The following MTPAP variants were observed in gnomAD, a reference collection of about 807,000 sequenced individuals.
MTPAP encodes the protein poly(A) RNA polymerase, mitochondrial.
MTPAP carries 23 observed loss-of-function variants against 48.7 expected under a neutral mutation model. The observed-to-expected ratio is 0.47, with a 90% CI of 0.34 to 0.67. The LOEUF (loss-of-function observed/expected upper bound fraction) is 0.67. MTPAP is among the 30% of genes least tolerant of loss of function. The pLI is 0.01. For missense variants in MTPAP, 614 were observed against 694.3 expected, an observed-to-expected ratio of 0.88 and a Z score of 1.30; for synonymous variants, 257 against 254.1, an observed-to-expected ratio of 1.01 and a Z score of -0.11.
intron 6 of MTPAP, among the ~76,000 whole-genome samples, chr10:30,321,622 G>A (rs540778849): frequency 2.0e-5 from 3 of 152,186 alleles, no homozygotes; most frequent in Non-Finnish European, 4.4e-5. Context: ...GCCGTGTCTA[G>A]AGAGCTAAAG....
rs922701899 is a variant in MTPAP, at chr10:30,311,538, T to C, written c.*2071A>G. On this transcript the variant is annotated 3_prime_UTR_variant, in exon 9 of 9. Transcript: ENST00000263063. ...AAAATGCACTGACCTAGCATTTTCC[T>C]ACATCCCTCGCTTAATCCTCACATT... 1 of 152,234 alleles carries C rather than the reference T, an allele frequency of 6.6e-6. No homozygotes were observed. Among genetic ancestry groups the C allele is most frequent in the African/African-American group, 2.4e-5 (1 of 41,468 alleles). The allele number at this position is 152,234 out of a possible 1,614,324, so 9.4% of individuals were successfully genotyped here. A position where few individuals can be genotyped will look rare whatever the true frequency, so the allele number is the denominator to read the frequency against.
intron 5 of MTPAP, among the ~76,000 whole-genome samples, chr10:30,323,980 A>C (rs188360642): frequency 4.0e-4 from 61 of 152,368 alleles, no homozygotes; most frequent in Admixed American, 1.2e-3. Flanking sequence ...GAGGAGTTCA[A>C]GACCAGCCTG....
At chr10:30,338,607 G>A (rs550165517) in intron 3 of MTPAP, among the ~76,000 whole-genome samples, 10 of 150,854 alleles carry the variant, frequency 6.6e-5, no homozygotes, top group South Asian at 2.1e-4. Context: ...CCTGGGAGGC[G>A]GAGGTTGCAG....
chr10:30,315,470 G>A (rs1840649245), intron 8 of MTPAP, among the ~76,000 whole-genome samples: 1 of 140,666 alleles, frequency 7.1e-6, no homozygotes, highest in African/African-American at 2.5e-5. Context: ...CATCCCAGCT[G>A]CTCAGAAATC....
At chr10:30,339,497 AAAGAG>A (rs1489389769) in intron 3 of MTPAP, among the ~76,000 whole-genome samples, 6 of 151,932 alleles carry the variant, frequency 3.9e-5, no homozygotes, top group Non-Finnish European at 8.8e-5. Context: ...AAAAAAAAAA[AAAGAG>A]AGAGAGAATC....
intron 1 of MTPAP, 37 bp downstream of exon 1, chr10:30,349,082 T>C (rs780415567): frequency 2.5e-6 from 4 of 1,613,356 alleles, no homozygotes; most frequent in South Asian, 1.1e-5. Flanking sequence ...CCTCGCCCGC[T>C]GTGGGACGGA....
intron 5 of MTPAP, among the ~76,000 whole-genome samples, chr10:30,325,348 T>C (rs1176662058): frequency 6.6e-6 from 1 of 152,240 alleles, no homozygotes; most frequent in Non-Finnish European, 1.5e-5. Context: ...CTAGCCTTGA[T>C]TTTCTGAATC....
At chr10:30,338,856 G>T (rs1011831238) in intron 3 of MTPAP, among the ~76,000 whole-genome samples, 1 of 152,246 alleles carries the variant, frequency 6.6e-6, no homozygotes, top group African/African-American at 2.4e-5. Context: ...AGGTGCAGTG[G>T]CTCACGCCTA....
chr10:30,339,361 C>A (rs950168621), intron 3 of MTPAP, among the ~76,000 whole-genome samples: 2 of 151,630 alleles, frequency 1.3e-5, no homozygotes, highest in Admixed American at 1.3e-4. Flanking sequence ...GTGGTGCACA[C>A]CTGTAGTCCC....
chr10:30,347,936 G>T (rs898909952), intron 1 of MTPAP, among the ~76,000 whole-genome samples: 6 of 150,256 alleles, frequency 4.0e-5, no homozygotes, highest in African/African-American at 1.2e-4. Context: ...TTTTGCCACC[G>T]AATAGCTGAG....
At chr10:30,342,825 C>G (rs995922603) in intron 1 of MTPAP, among the ~76,000 whole-genome samples, 1 of 152,144 alleles carries the variant, frequency 6.6e-6, no homozygotes. Flanking sequence ...AACCTCGTTA[C>G]TGCCCATGAA....
At chr10:30,320,549 T>A (rs1345984664) in intron 6 of MTPAP, among the ~76,000 whole-genome samples, 5 of 151,940 alleles carry the variant, frequency 3.3e-5, no homozygotes, top group South Asian at 4.1e-4. Flanking sequence ...AATAAAATTT[T>A]TAAAAAAATA....
intron 8 of MTPAP, among the ~76,000 whole-genome samples, chr10:30,314,206 T>A (rs1218157918): frequency 6.6e-6 from 1 of 152,068 alleles, no homozygotes; most frequent in Non-Finnish European, 1.5e-5. Flanking sequence ...AGAAATAACT[T>A]AGGGCTTATC....
intron 1 of MTPAP, among the ~76,000 whole-genome samples, chr10:30,344,497 G>A (rs1834847552): frequency 6.6e-6 from 1 of 152,102 alleles, no homozygotes; most frequent in Non-Finnish European, 1.5e-5. Flanking sequence ...ATTGAGGGCA[G>A]AGGCTATTCT....
At chr10:30,322,217 A>G (rs535470863) in intron 6 of MTPAP, among the ~76,000 whole-genome samples, 174 bp downstream of exon 6, 54 of 152,338 alleles carry the variant, frequency 3.5e-4, no homozygotes, top group Non-Finnish European at 6.3e-4. Context: ...AAAAAATGCT[A>G]AAGGCCCTAG....
rs1382248460 is a variant in MTPAP at position 30,312,193 on chromosome 10, A to G, written c.*1416T>C. ...TCCACAGAGAATGTAATGGAAATTA[A>G]ATTTCAATATACAGTTGCCCATTGA... On this transcript the variant is annotated 3_prime_UTR_variant, in exon 9 of 9. Transcript: ENST00000263063. 6.6e-6 allele frequency: 1 copy of G among 152,178 alleles called. No homozygotes were observed. The highest frequency in any genetic ancestry group is 1.5e-5 in the Non-Finnish European group (1 of 68,038). 9.4% of individuals were successfully genotyped at this position (152,178 alleles called of 1,614,324 possible).
chr10:30,329,793 T>C (rs187634369), intron 4 of MTPAP, among the ~76,000 whole-genome samples: 11 of 152,164 alleles, frequency 7.2e-5, no homozygotes, highest in African/African-American at 2.2e-4. Flanking sequence ...GATACCACCC[T>C]CATTATCCAA....
At position 30,326,615 on chromosome 10, in the gene MTPAP, C is replaced by T. The variant is rs1401953116; in HGVS notation, c.801G>A (p.Met267Ile). ...AAGGAACATTTTTCACTTGAAATTC[C>T]ATCAGAAAATTTCCTGAGATCTGAA... ...SAHKISGNFL[M>I]EFQVKNVPSE... The change falls in exon 5 of 9, where the codon ATG becomes ATA. Residue 267 changes from methionine to isoleucine, a missense_variant. Met to Ile is a conservative substitution (Grantham distance 10). Around this residue, in one of 5 missense-constraint regions of MTPAP, gnomAD observed 261 missense variants for 355.4 expected, o/e 0.73. Coordinates refer to ENST00000263063, the MANE Select transcript of MTPAP (RefSeq NM_018109.4). 2 of 1,613,542 alleles carry T rather than the reference C, an allele frequency of 1.2e-6. No individual in the cohort carries two copies. The highest frequency in any genetic ancestry group is 1.3e-5 in the African/African-American group (1 of 74,862).
At chr10:30,340,644 C>T (rs986260935) in intron 2 of MTPAP, among the ~76,000 whole-genome samples, 194 bp from the exon 3 acceptor site, 2 of 152,110 alleles carry the variant, frequency 1.3e-5, no homozygotes, top group Admixed American at 1.3e-4. Context: ...CTGGGCCGGG[C>T]GCAGTGGCTC....
Sources: gnomAD v4.1 joint callset for allele counts (sites outside exome capture counted in the v4.1 genomes callset) on GRCh38, gnomAD v4.1.1 for gene constraint, gnomAD v4.1.1 regional missense constraint, MANE v1.5 for transcripts, NCBI Gene and HGNC (gene_info 2026-07-23, HGNC 2026-07-21) for gene names.